Variants in RNF217 observed in about 807,000 individuals in gnomAD.
RNF217 encodes the protein E3 ubiquitin-protein ligase RNF217.
Under a neutral mutation model 57.8 loss-of-function variants are expected in RNF217, and 31 were observed. That is an observed-to-expected ratio of 0.54 (90% CI 0.40 to 0.72). The LOEUF (loss-of-function observed/expected upper bound fraction) is 0.72. RNF217 is among the 30% of genes least tolerant of loss of function. The probability of loss-of-function intolerance (pLI) is 0.00; values close to 1 mark genes in which losing one functional copy is unlikely to be tolerated. For synonymous variants in RNF217, 313 were observed against 294.0 expected (o/e 1.06, Z -0.66); for missense variants, 696 against 708.3 (o/e 0.98, Z 0.20).
rs144483954 is a variant in RNF217, at chr6:124,992,116, A to G, written c.882+28690A>G. 2.1e-3 allele frequency among the ~76,000 whole-genome samples: 320 copies of G among 152,280 alleles called. 3 individuals carry two copies. Among genetic ancestry groups the G allele is most frequent in the African/African-American group, 7.4e-3 (307 of 41,552 alleles). On this transcript the variant is annotated intron_variant, in intron 1 of 5. Transcript: ENST00000521654. ...ATGGGGCCTATACTTTTACAATTCA[A>G]ACAAGCTACAAAGTAATGCCAGTAA...
intron 1 of RNF217, among the ~76,000 whole-genome samples, chr6:124,990,651 C>T (rs1186802914): frequency 1.3e-5 from 2 of 152,098 alleles, no homozygotes; most frequent in East Asian, 3.9e-4. Flanking sequence ...CAGAATTGAG[C>T]CACTTCTCAC....
At chr6:125,052,904 G>C (rs977444001) in intron 2 of RNF217, among the ~76,000 whole-genome samples, 6 of 151,996 alleles carry the variant, frequency 3.9e-5, no homozygotes, top group African/African-American at 1.4e-4. Flanking sequence ...TATATTTTGG[G>C]GGACATGCCA....
At chr6:125,076,591 T>G (rs1232265840) in intron 3 of RNF217, 66 bp from the exon 4 acceptor site, 1 of 1,023,336 alleles carries the variant, frequency 9.8e-7, no homozygotes, top group Non-Finnish European at 1.5e-6. Flanking sequence ...TTCATAAAAT[T>G]TGCGATTTTG....
rs545432601 is a variant in RNF217, at chr6:124,992,310, T to A, written c.882+28884T>A. On this transcript the variant is annotated intron_variant, in intron 1 of 5. Transcript: ENST00000521654. ...TAATAAAACTAGGTGAAACCTTAAA[T>A]ACTGGTTTTGTACAAAGCTACATAT... Among the ~76,000 whole-genome samples, 8 of 152,294 alleles carry A rather than the reference T, an allele frequency of 5.3e-5. No individual in the cohort carries two copies. In the South Asian group the frequency reaches 8.3e-4, roughly 16 times the overall value.
At chr6:125,056,344 G>A (rs1443511085) in intron 2 of RNF217, among the ~76,000 whole-genome samples, 1 of 151,978 alleles carries the variant, frequency 6.6e-6, no homozygotes, top group Non-Finnish European at 1.5e-5. Flanking sequence ...GCATTATTTT[G>A]AGGATGAAAA....
intron 1 of RNF217, among the ~76,000 whole-genome samples, chr6:124,966,009 C>T (rs1227074984): frequency 6.6e-6 from 1 of 152,142 alleles, no homozygotes; most frequent in Non-Finnish European, 1.5e-5. Context: ...GCCCCAGAAA[C>T]CAAGGCTAGG....
intron 1 of RNF217, among the ~76,000 whole-genome samples, chr6:125,000,245 A>C (rs528408149): frequency 2.8e-4 from 42 of 152,280 alleles, no homozygotes; most frequent in African/African-American, 9.9e-4. Context: ...TTGCGATTCT[A>C]GAAACTAAAA....
At chr6:125,056,163 C>T (rs376167308) in intron 2 of RNF217, among the ~76,000 whole-genome samples, 3 of 152,090 alleles carry the variant, frequency 2.0e-5, no homozygotes, top group African/African-American at 7.2e-5. Context: ...AGAACAAATG[C>T]CGTTTAGTAT....
At chr6:124,994,621 A>G (rs183592846) in intron 1 of RNF217, among the ~76,000 whole-genome samples, 16 of 152,284 alleles carry the variant, frequency 1.1e-4, no homozygotes, top group African/African-American at 3.8e-4. Flanking sequence ...TACTAGCATG[A>G]TGTTAGGTAG....
rs1788986881 is a variant in RNF217 at position 125,092,505 on chromosome 6, A to C, written c.*9568A>C. On this transcript the variant is annotated 3_prime_UTR_variant, in exon 6 of 6. Transcript: ENST00000521654. ...CGGATGAAAACTATAACGGTTTTCA[A>C]ACTATTTTGATGGTCATTGTACGAG... The C allele has an allele frequency of 6.6e-6, 1 of 152,192 alleles. No homozygotes were observed. The highest frequency in any genetic ancestry group is 1.5e-5 in the Non-Finnish European group (1 of 68,034). The allele number at this position is 152,192 out of a possible 1,614,324, so 9.4% of individuals were successfully genotyped here. A position where few individuals can be genotyped will look rare whatever the true frequency, so the allele number is the denominator to read the frequency against.
intron 1 of RNF217, among the ~76,000 whole-genome samples, chr6:124,978,441 G>A (rs1359179439): frequency 1.3e-5 from 2 of 151,268 alleles, no homozygotes; most frequent in Non-Finnish European, 2.9e-5. Flanking sequence ...AACTAGATGA[G>A]GGGAATGCGG....
chr6:125,054,132 GAT>G (rs566692022), intron 2 of RNF217, among the ~76,000 whole-genome samples: 23 of 152,248 alleles, frequency 1.5e-4, no homozygotes, highest in Non-Finnish European at 2.6e-4. Flanking sequence ...CTGTTGGAGA[GAT>G]TAGACATCTA....
intron 1 of RNF217, among the ~76,000 whole-genome samples, chr6:125,036,333 G>A (rs918533617): frequency 6.6e-6 from 1 of 152,092 alleles, no homozygotes; most frequent in African/African-American, 2.4e-5. Flanking sequence ...TCATTGATGG[G>A]CATTTGGGTT....
intron 1 of RNF217, among the ~76,000 whole-genome samples, chr6:124,993,036 T>G (rs561228378): frequency 8.5e-5 from 13 of 152,314 alleles, no homozygotes; most frequent in Admixed American, 2.0e-4. Flanking sequence ...TATAGTAGTA[T>G]TATTGGCAAA....
intron 1 of RNF217, among the ~76,000 whole-genome samples, chr6:124,973,325 A>G (rs1025934296): frequency 6.6e-6 from 1 of 152,126 alleles, no homozygotes; most frequent in African/African-American, 2.4e-5. Flanking sequence ...AGTCTTCCTT[A>G]TATCACCACC....
chr6:125,011,516 T>G (rs1048886578), intron 1 of RNF217, among the ~76,000 whole-genome samples: 6 of 152,188 alleles, frequency 3.9e-5, no homozygotes, highest in Non-Finnish European at 7.3e-5. Flanking sequence ...GATTTTCAGT[T>G]TCTTGATCTA....
intron 1 of RNF217, among the ~76,000 whole-genome samples, chr6:125,017,488 T>C (rs1785656174): frequency 6.6e-6 from 1 of 152,152 alleles, no homozygotes; most frequent in Non-Finnish European, 1.5e-5. Flanking sequence ...GAATTATAAA[T>C]TAGCTATACA....
chr6:124,998,832 C>T (rs908709730), intron 1 of RNF217, among the ~76,000 whole-genome samples: 2 of 152,116 alleles, frequency 1.3e-5, no homozygotes, highest in African/African-American at 4.8e-5. Flanking sequence ...ATTTTGTCAA[C>T]ATAAGATTAT....
chr6:125,069,344 T>A (rs563513965), intron 3 of RNF217, among the ~76,000 whole-genome samples: 13 of 152,298 alleles, frequency 8.5e-5, no homozygotes, highest in Admixed American at 6.5e-4. Flanking sequence ...TTTGGAGTTT[T>A]ACACCTGATA....
Sources: gnomAD v4.1 joint callset for allele counts (sites outside exome capture counted in the v4.1 genomes callset) on GRCh38, gnomAD v4.1.1 for gene constraint, MANE v1.5 for transcripts, NCBI Gene and HGNC (gene_info 2026-07-23, HGNC 2026-07-21) for gene names.